TNR: variants seen among roughly 807,000 people sequenced by gnomAD.
TNR encodes tenascin R, also known as tenascin-R.
TNR carries 45 observed loss-of-function variants against 150.4 expected under a neutral mutation model. That is an observed-to-expected ratio of 0.30 (90% confidence interval 0.24 to 0.38). TNR has a LOEUF of 0.38. Among genes scored for constraint, TNR ranks in the 10% least tolerant of loss-of-function variants. The pLI is 1.00. For synonymous variants in TNR, 687 were observed against 678.4 expected, an observed-to-expected ratio of 1.01 and a Z score of -0.20; for missense variants, 1,544 against 1,759.1, an observed-to-expected ratio of 0.88 and a Z score of 2.19.
intron 2 of TNR, among the ~76,000 whole-genome samples, chr1:175,467,195 G>A (rs1023065648): frequency 1.3e-5 from 2 of 152,172 alleles, no homozygotes; most frequent in African/African-American, 4.8e-5. Context: ...TCAGAGCTGG[G>A]GGAATGTGGT....
At chr1:175,585,274 G>T (rs1662521865) in intron 1 of TNR, among the ~76,000 whole-genome samples, 1 of 152,160 alleles carries the variant, frequency 6.6e-6, no homozygotes, top group Admixed American at 6.5e-5. Context: ...ATAAAACCAG[G>T]ATTTGAATGC....
At chr1:175,497,054 AG>A (rs1658517417) in intron 2 of TNR, among the ~76,000 whole-genome samples, 1 of 152,228 alleles carries the variant, frequency 6.6e-6, no homozygotes. Context: ...GAGGCTAAAA[AG>A]CTCACTCTTT....
intron 1 of TNR, among the ~76,000 whole-genome samples, chr1:175,606,425 G>C (rs1663406776): frequency 6.6e-6 from 1 of 152,168 alleles, no homozygotes; most frequent in African/African-American, 2.4e-5. Flanking sequence ...AGGGAAGTGA[G>C]GTGGCAAGAA....
chr1:175,375,948 T>C (rs1328909792), intron 9 of TNR, among the ~76,000 whole-genome samples: 1 of 152,228 alleles, frequency 6.6e-6, no homozygotes, highest in Admixed American at 6.5e-5. Context: ...ATGAGAGAAC[T>C]AAAGTGCAGG....
chr1:175,630,608 T>G (rs1267448916), intron 1 of TNR, among the ~76,000 whole-genome samples: 5 of 152,214 alleles, frequency 3.3e-5, no homozygotes, highest in Admixed American at 3.3e-4. Flanking sequence ...AATAGAAGAG[T>G]TTGGCAGATA....
At chr1:175,613,629 G>T (rs1440255422) in intron 1 of TNR, among the ~76,000 whole-genome samples, 1 of 152,024 alleles carries the variant, frequency 6.6e-6, no homozygotes, top group Non-Finnish European at 1.5e-5. Context: ...TGGTGCTGTG[G>T]GTGTGTCATT....
chr1:175,544,972 T>A (rs1243411011), intron 1 of TNR, among the ~76,000 whole-genome samples: 2 of 152,208 alleles, frequency 1.3e-5, no homozygotes, highest in African/African-American at 4.8e-5. Context: ...CCTTTTTTTC[T>A]GCCATAAGAT....
chr1:175,620,075 T>C (rs764718965), intron 1 of TNR, among the ~76,000 whole-genome samples: 4 of 152,238 alleles, frequency 2.6e-5, no homozygotes, highest in African/African-American at 4.8e-5. Flanking sequence ...TTCACATAGA[T>C]GCAGTCATCT....
intron 1 of TNR, among the ~76,000 whole-genome samples, chr1:175,665,315 G>T (rs539509193): frequency 6.6e-6 from 1 of 152,280 alleles, no homozygotes; most frequent in Non-Finnish European, 1.5e-5. Flanking sequence ...TCTGTGAGCT[G>T]GTTTTCCTCC....
intron 2 of TNR, among the ~76,000 whole-genome samples, chr1:175,426,635 A>G (rs911100909): frequency 6.6e-6 from 1 of 151,800 alleles, no homozygotes; most frequent in African/African-American, 2.4e-5. Context: ...CATCATGGCC[A>G]ATTTAGAAAA....
intron 1 of TNR, among the ~76,000 whole-genome samples, chr1:175,547,781 C>G (rs1478310575): frequency 6.6e-6 from 1 of 152,110 alleles, no homozygotes; most frequent in Non-Finnish European, 1.5e-5. Flanking sequence ...CAGAGTGATT[C>G]CATGAGAAGT....
Position 175,415,362 on chromosome 1 carries a change from T to A in TNR, c.-63-8585A>T, listed in dbSNP as rs1654394146. Among the ~76,000 whole-genome samples the A allele has an allele frequency of 2.0e-5, 3 of 152,150 alleles. No homozygotes were observed. In the South Asian group the frequency reaches 6.2e-4, roughly 32 times the overall value. ...CTGGGCCTTTATTGGGCCTGTCAGA[T>A]TTCTGAAAAGAACCCGAGGGCAGAA... On this transcript the variant is annotated intron_variant, in intron 2 of 22. Transcript: ENST00000367674.
intron 1 of TNR, among the ~76,000 whole-genome samples, chr1:175,564,771 G>A (rs1462303218): frequency 6.6e-6 from 1 of 152,012 alleles, no homozygotes; most frequent in Admixed American, 6.6e-5. Flanking sequence ...ATTGAAGCAG[G>A]CAGGCCCTGG....
rs859477 is a variant in TNR at position 175,422,395 on chromosome 1, C to T, written c.-63-15618G>A. Among the ~76,000 whole-genome samples the T allele has an allele frequency of 2.8e-3, 420 of 152,306 alleles. 3 individuals are homozygous for T. Among genetic ancestry groups the T allele is most frequent in the African/African-American group, 9.7e-3 (404 of 41,556 alleles). ...CTCTCTTTCAATACATATACACACACGTGATGTGGTTCCAGCCATCCTTAC... is the reference window on the plus strand; with the variant it reads ...CTCTCTTTCAATACATATACACACATGTGATGTGGTTCCAGCCATCCTTAC... On this transcript the variant is annotated intron_variant, in intron 2 of 22. Coordinates refer to ENST00000367674, the MANE Select transcript of TNR (RefSeq NM_003285.3).
chr1:175,743,103 C>A (rs10913071), intron 1 of TNR, 123 bp downstream of exon 1: 25,994 of 152,130 alleles, frequency 0.17, 2,467 homozygotes, highest in Middle Eastern at 0.25. Context: ...ATAGATGTAA[C>A]CCTAGTGCCA....
intron 4 of TNR, among the ~76,000 whole-genome samples, chr1:175,397,517 T>C (rs997446169): frequency 3.3e-5 from 5 of 152,204 alleles, no homozygotes; most frequent in Non-Finnish European, 7.3e-5. Flanking sequence ...ATTTGGCAAG[T>C]GGAAATAAAG....
At chr1:175,403,693 G>T (rs1334443035) in intron 3 of TNR, 77 bp from the exon 4 acceptor site, 6 of 1,207,744 alleles carry the variant, frequency 5.0e-6, no homozygotes, top group Non-Finnish European at 3.6e-6. Flanking sequence ...ATGGGCAAAG[G>T]CCTCTCTACT....
chr1:175,724,709 T>A (rs1182160015), intron 1 of TNR, among the ~76,000 whole-genome samples: 1 of 152,200 alleles, frequency 6.6e-6, no homozygotes, highest in African/African-American at 2.4e-5. Context: ...TTTAAAACTT[T>A]CAAATGATAA....
At chr1:175,678,257 T>C (rs1323892268) in intron 1 of TNR, among the ~76,000 whole-genome samples, 4 of 152,134 alleles carry the variant, frequency 2.6e-5, no homozygotes, top group African/African-American at 9.7e-5. Flanking sequence ...TGATGGAATT[T>C]TGTGCTCCCC....
Sources: allele counts gnomAD v4.1 joint callset (sites outside exome capture counted in the v4.1 genomes callset), GRCh38; gene constraint gnomAD v4.1.1; transcripts MANE v1.5; gene names NCBI Gene and HGNC (gene_info 2026-07-23, HGNC 2026-07-21).